The following MCC variants were observed in gnomAD, a reference collection of about 807,000 sequenced individuals.
The protein encoded by MCC is MCC regulator of Wnt signaling pathway.
A neutral mutation model predicts 116.2 loss-of-function variants in MCC; 90 were observed. The ratio of observed to expected loss-of-function variants is 0.77; its 90% CI spans 0.65 to 0.92. The LOEUF is 0.92. Among genes scored for constraint, MCC ranks in the 40% least tolerant of loss-of-function variants. The pLI, the probability that MCC is intolerant of heterozygous loss-of-function variation, is 0.00. For missense variants in MCC, 1,516 were observed against 1,312.2 expected (o/e 1.16, Z -2.40); for synonymous variants, 578 against 510.5 (o/e 1.13, Z -1.78).
intron 3 of MCC, among the ~76,000 whole-genome samples, chr5:113,277,835 A>T (rs571726689): frequency 6.6e-6 from 1 of 152,200 alleles, no homozygotes; most frequent in Non-Finnish European, 1.5e-5. Flanking sequence ...CTGCATTGTG[A>T]GTGAACAGCC....
At chr5:113,461,506 C>T (rs558299933) in intron 1 of MCC, among the ~76,000 whole-genome samples, 6 of 151,578 alleles carry the variant, frequency 4.0e-5, no homozygotes, top group African/African-American at 1.5e-4. Flanking sequence ...TGGACACATA[C>T]AAGAAATAAT....
chr5:113,184,472 GTTTT>G (rs200787776), intron 3 of MCC, among the ~76,000 whole-genome samples: 1 of 123,800 alleles, frequency 8.1e-6, no homozygotes, highest in Non-Finnish European at 1.6e-5. Flanking sequence ...TTCTTTCTTC[GTTTT>G]TTGTTTTTTT....
At chr5:113,485,376 C>T (rs932796638) in intron 1 of MCC, among the ~76,000 whole-genome samples, 3 of 152,134 alleles carry the variant, frequency 2.0e-5, no homozygotes, top group Admixed American at 6.5e-5. Flanking sequence ...ATTTCCTGCT[C>T]TTAGTAACAG....
intron 13 of MCC, among the ~76,000 whole-genome samples, chr5:113,065,769 C>A (rs1340253697): frequency 6.6e-6 from 1 of 152,220 alleles, no homozygotes; most frequent in East Asian, 1.9e-4. Flanking sequence ...TCCTGCTTTG[C>A]TGTGCAACAG....
At position 113,433,768 on chromosome 5, in the gene MCC, G is replaced by A. The variant is rs1294189948; in HGVS notation, c.171-48556C>T. ...GCCCGCGTCTCTGGAGGCTGTTGGG[G>A]GGGCCCTTCCTCTGTCTCCATAGTC... On this transcript the variant is annotated intron_variant, in intron 1 of 18. Transcript: ENST00000408903. 2.5e-6 allele frequency: 4 copies of A among 1,613,716 alleles called. No individual in the cohort carries two copies. Among genetic ancestry groups the A allele is most frequent in the Non-Finnish European group, 3.4e-6 (4 of 1,179,826 alleles).
At chr5:113,415,054 G>A (rs547203587) in intron 1 of MCC, among the ~76,000 whole-genome samples, 2 of 152,242 alleles carry the variant, frequency 1.3e-5, no homozygotes, top group African/African-American at 4.8e-5. Context: ...ATAAAATTCT[G>A]GGTTGAAAAT....
intron 3 of MCC, among the ~76,000 whole-genome samples, chr5:113,291,009 T>C (rs1365868110): frequency 6.6e-6 from 1 of 152,244 alleles, no homozygotes; most frequent in Non-Finnish European, 1.5e-5. Flanking sequence ...AAAAAAGCGT[T>C]CAGACTTGAC....
chr5:113,083,093 T>C (rs1165708021), intron 10 of MCC, 85 bp from the exon 11 acceptor site: 2 of 1,346,082 alleles, frequency 1.5e-6, no homozygotes, highest in Non-Finnish European at 2.0e-6. Flanking sequence ...AAAGCTGATA[T>C]TCCGTGAGAA....
intron 2 of MCC, among the ~76,000 whole-genome samples, chr5:113,341,357 T>A (rs569007571): frequency 5.8e-4 from 88 of 151,994 alleles, no homozygotes; most frequent in African/African-American, 1.8e-3. Context: ...TTAAAAAAAA[T>A]TTTTTTTGTA....
chr5:113,460,406 T>A (rs1771711238), intron 1 of MCC, among the ~76,000 whole-genome samples: 1 of 152,224 alleles, frequency 6.6e-6, no homozygotes, highest in Non-Finnish European at 1.5e-5. Context: ...TTAATACATC[T>A]TCTTCTGTGA....
chr5:113,178,217 T>C (rs1761437132), intron 3 of MCC, among the ~76,000 whole-genome samples: 1 of 152,206 alleles, frequency 6.6e-6, no homozygotes, highest in African/African-American at 2.4e-5. Flanking sequence ...CTTAGACAGT[T>C]AACAAAGACA....
chr5:113,240,585 C>T (rs1418805977), intron 3 of MCC, among the ~76,000 whole-genome samples: 1 of 152,196 alleles, frequency 6.6e-6, no homozygotes, highest in African/African-American at 2.4e-5. Flanking sequence ...TTCTTTAATA[C>T]ATCAGTGGCA....
At chr5:113,426,020 G>A (rs1471476971) in intron 1 of MCC, among the ~76,000 whole-genome samples, 2 of 152,112 alleles carry the variant, frequency 1.3e-5, no homozygotes, top group African/African-American at 4.8e-5. Context: ...TTCCTGGAGG[G>A]AGCAGACAAG....
intron 1 of MCC, among the ~76,000 whole-genome samples, chr5:113,466,836 C>T (rs1771923734): frequency 6.6e-6 from 1 of 151,882 alleles, no homozygotes; most frequent in Non-Finnish European, 1.5e-5. Flanking sequence ...CACATCCTCT[C>T]CAGCACCTGT....
intron 3 of MCC, among the ~76,000 whole-genome samples, chr5:113,233,842 G>T (rs1764029820): frequency 6.6e-6 from 1 of 152,136 alleles, no homozygotes; most frequent in South Asian, 2.1e-4. Context: ...TCTAACAGAT[G>T]GTCTAGGATG....
chr5:113,183,208 C>T (rs1486541094), intron 3 of MCC, among the ~76,000 whole-genome samples: 4 of 152,138 alleles, frequency 2.6e-5, no homozygotes, highest in Non-Finnish European at 5.9e-5. Context: ...CTCCCTTATA[C>T]TCCTAAGACA....
At chr5:113,242,275 A>G (rs1016954764) in intron 3 of MCC, among the ~76,000 whole-genome samples, 3 of 152,232 alleles carry the variant, frequency 2.0e-5, no homozygotes, top group Non-Finnish European at 4.4e-5. Context: ...CTTCAGTGAT[A>G]TGTTACAAGG....
At chr5:113,462,427 G>A (rs755783978) in intron 1 of MCC, among the ~76,000 whole-genome samples, 1 of 152,228 alleles carries the variant, frequency 6.6e-6, no homozygotes, top group Admixed American at 6.5e-5. Flanking sequence ...CCTCCAGAAA[G>A]TGGATTTCAT....
intron 17 of MCC, among the ~76,000 whole-genome samples, chr5:113,039,084 G>GA (rs1255266003): frequency 6.6e-6 from 1 of 152,212 alleles, no homozygotes; most frequent in African/African-American, 2.4e-5. Context: ...AGTGAAAGGC[G>GA]AGTGCCTGTG....
Sources: gnomAD v4.1 joint callset for allele counts (sites outside exome capture counted in the v4.1 genomes callset) on GRCh38, gnomAD v4.1.1 for gene constraint, MANE v1.5 for transcripts, NCBI Gene and HGNC (gene_info 2026-07-23, HGNC 2026-07-21) for gene names.